The following MIX23 variants were observed in gnomAD, a reference collection of about 807,000 sequenced individuals.
The protein encoded by MIX23 is mitochondrial matrix import factor 23, also known as protein MIX23.
MIX23 carries 13 observed loss-of-function variants against 21.6 expected under a neutral mutation model. The ratio of observed to expected loss-of-function variants is 0.60; its 90% CI spans 0.39 to 0.96. The LOEUF is 0.96. Among genes scored for constraint, MIX23 ranks in the 40% least tolerant of loss-of-function variants. MIX23 has a pLI of 0.00. For missense variants in MIX23, 144 were observed against 171.2 expected (o/e 0.84, Z 0.89); for synonymous variants, 59 against 58.0 (o/e 1.02, Z -0.08).
In MIX23 at chr3:122,368,239, T is replaced by C. The variant is rs146292363; in HGVS notation, c.261A>G (p.Glu87=). The change falls in exon 3 of 5, where the codon GAA becomes GAG. Residue 87 remains glutamate (E), a synonymous_variant. Transcript: ENST00000291458. ...QTSAVVKNLR[E]EREKNLDDLT... ...AATCGTCCAAATTCTTTTCTCTCTC[T>C]TCTCGGAGGTTTTTTACTACTGCTG... 12 of 1,610,322 alleles carry C rather than the reference T, an allele frequency of 7.5e-6. No homozygotes were observed. Among genetic ancestry groups the C allele is most frequent in the African/African-American group, 1.3e-5 (1 of 74,852 alleles).
intron 3 of MIX23, chr3:122,366,538 G>A (rs557462029): frequency 2.0e-5 from 3 of 152,288 alleles, no homozygotes; most frequent in East Asian, 3.9e-4. Context: ...CCTTTTCAAA[G>A]TTCAGCTACA....
chr3:122,361,634 T>C (rs1277044891), intron 4 of MIX23, among the ~76,000 whole-genome samples: 2 of 152,322 alleles, frequency 1.3e-5, no homozygotes, highest in African/African-American at 4.8e-5. Context: ...TATCATAAAC[T>C]TCTGCACTTG....
chr3:122,363,307 A>G (rs2075373537), intron 3 of MIX23, among the ~76,000 whole-genome samples: 1 of 152,028 alleles, frequency 6.6e-6, no homozygotes, highest in Middle Eastern at 3.2e-3. Context: ...TTCACAGAAG[A>G]CATACAAAAG....
At chr3:122,365,507 T>TTA (rs1443749972) in intron 3 of MIX23, 1 of 152,238 alleles carries the variant, frequency 6.6e-6, no homozygotes, top group Non-Finnish European at 1.5e-5. Context: ...CCTTATTTGC[T>TTA]TATGTACTAC....
In MIX23 at chr3:122,383,075, G is replaced by A. The variant is rs1275211758; in HGVS notation, c.51+99C>T. ...TCGAGAAAAGAGCTTTGAATTGCCC[G>A]CTTTTTCCAAAGCTGGTTCATACTC... On this transcript the variant is annotated intron_variant, in intron 1 of 4. Coordinates refer to ENST00000291458, the MANE Select transcript of MIX23 (RefSeq NM_001017928.4). 7 of 1,500,868 alleles carry A rather than the reference G, an allele frequency of 4.7e-6. No individual in the cohort carries two copies. In the African/African-American group the frequency reaches 8.3e-5, roughly 18 times the overall value. 93.0% of individuals were successfully genotyped at this position (1,500,868 alleles called of 1,614,324 possible).
chr3:122,367,054 T>C (rs1345572900), intron 3 of MIX23, among the ~76,000 whole-genome samples: 1 of 152,070 alleles, frequency 6.6e-6, no homozygotes, highest in Non-Finnish European at 1.5e-5. Flanking sequence ...GTGTATAACA[T>C]AGTCTCAAAA....
Position 122,359,655 on chromosome 3 carries a change from A to G in MIX23, c.*214T>C. On this transcript the variant is annotated 3_prime_UTR_variant, in exon 5 of 5. Transcript: ENST00000291458. Reference sequence around the variant, plus strand: ...TTTTTTTTTTTTTTTTTACAGAATCAGTATAAAATAGCAGTTGATTTCTCC... The same window carrying G: ...TTTTTTTTTTTTTTTTTACAGAATCGGTATAAAATAGCAGTTGATTTCTCC... 1 of 356,836 alleles carries G rather than the reference A, an allele frequency of 2.8e-6. No individual in the cohort carries two copies. Among genetic ancestry groups the G allele is most frequent in the East Asian group, 4.1e-5 (1 of 24,156 alleles). 22.1% of individuals were successfully genotyped at this position (356,836 alleles called of 1,614,324 possible). A position where few individuals can be genotyped will look rare whatever the true frequency, so the allele number is the denominator to read the frequency against.
At chr3:122,363,160 C>G in intron 3 of MIX23, 133 bp from the exon 4 acceptor site, 2 of 664,012 alleles carry the variant, frequency 3.0e-6, no homozygotes, top group Non-Finnish European at 5.1e-6. Flanking sequence ...GTATTTTTGT[C>G]TGTTAATGGC....
intron 1 of MIX23, among the ~76,000 whole-genome samples, chr3:122,375,111 G>A (rs2075473834): frequency 6.6e-6 from 1 of 152,092 alleles, no homozygotes; most frequent in East Asian, 1.9e-4. Context: ...TCCAGCCTGG[G>A]CAACACAGCG....
intron 3 of MIX23, among the ~76,000 whole-genome samples, chr3:122,363,976 A>T (rs1011354577): frequency 2.0e-5 from 3 of 152,154 alleles, no homozygotes; most frequent in African/African-American, 7.2e-5. Flanking sequence ...GCCAACTAAG[A>T]GGTTAACACC....
Position 122,359,797 on chromosome 3 carries a change from T to G in MIX23, c.*72A>C. The G allele has an allele frequency of 7.2e-7, 1 of 1,398,478 alleles. No individual in the cohort carries two copies. Among genetic ancestry groups the G allele is most frequent in the South Asian group, 1.4e-5 (1 of 69,130 alleles). The allele number at this position is 1,398,478 out of a possible 1,614,324, so 86.6% of individuals were successfully genotyped here. ...AGAAAGCCCGCCCTGTTGATATCTGTCATGCTTAGCTCTTATGAGATGACC... is the reference window on the plus strand; with the variant it reads ...AGAAAGCCCGCCCTGTTGATATCTGGCATGCTTAGCTCTTATGAGATGACC... On this transcript the variant is annotated 3_prime_UTR_variant, in exon 5 of 5. Coordinates refer to ENST00000291458, the MANE Select transcript of MIX23 (RefSeq NM_001017928.4).
At chr3:122,368,822 T>C (rs1325305759) in intron 2 of MIX23, among the ~76,000 whole-genome samples, 1 of 152,186 alleles carries the variant, frequency 6.6e-6, no homozygotes, top group Non-Finnish European at 1.5e-5. Flanking sequence ...TTACAATAAA[T>C]AACAAAGAAT....
chr3:122,360,050 G>T, intron 4 of MIX23, 131 bp from the exon 5 acceptor site: 2 of 899,962 alleles, frequency 2.2e-6, no homozygotes, highest in Non-Finnish European at 3.5e-6. Context: ...TTAGGAAACA[G>T]AAGAGTTTCC....
chr3:122,363,782 C>A (rs2075376905), intron 3 of MIX23, among the ~76,000 whole-genome samples: 1 of 149,056 alleles, frequency 6.7e-6, no homozygotes, highest in African/African-American at 2.6e-5. Context: ...TTTATAACTG[C>A]CAACCTAATT....
At chr3:122,373,519 C>T (rs535480383) in intron 1 of MIX23, among the ~76,000 whole-genome samples, 31 of 152,288 alleles carry the variant, frequency 2.0e-4, no homozygotes, top group East Asian at 1.2e-3. Context: ...AGCGATCCAC[C>T]GGCCTCAGCC....
chr3:122,374,099 C>A (rs2075464220), intron 1 of MIX23, among the ~76,000 whole-genome samples: 2 of 136,870 alleles, frequency 1.5e-5, no homozygotes, highest in South Asian at 4.6e-4. Flanking sequence ...CTATGACTGG[C>A]CTATTTTTTT....
At chr3:122,378,302 A>G in intron 1 of MIX23, among the ~76,000 whole-genome samples, 1 of 152,238 alleles carries the variant, frequency 6.6e-6, no homozygotes, top group Non-Finnish European at 1.5e-5. Flanking sequence ...CATCTCCAAT[A>G]AAACAATTTG....
chr3:122,382,072 C>T (rs573668685), intron 1 of MIX23, among the ~76,000 whole-genome samples: 60 of 152,276 alleles, frequency 3.9e-4, no homozygotes, highest in South Asian at 8.3e-4. Flanking sequence ...TGAATGCATG[C>T]TAAAATGGGA....
intron 1 of MIX23, among the ~76,000 whole-genome samples, chr3:122,380,399 C>A (rs137921800): frequency 3.3e-5 from 5 of 152,354 alleles, no homozygotes; most frequent in African/African-American, 1.2e-4. Flanking sequence ...AGTCCTCTAA[C>A]ACCCAGCATC....
Sources: gnomAD v4.1 joint callset for allele counts (sites outside exome capture counted in the v4.1 genomes callset) on GRCh38, gnomAD v4.1.1 for gene constraint, MANE v1.5 for transcripts, NCBI Gene and HGNC (gene_info 2026-07-23, HGNC 2026-07-21) for gene names.